The following DPP10 variants were observed in gnomAD, a reference collection of about 807,000 sequenced individuals.
The protein encoded by DPP10 is dipeptidyl peptidase like 10, also known as inactive dipeptidyl peptidase 10.
DPP10 carries 33 observed loss-of-function variants against 120.9 expected under a neutral mutation model. That is an observed-to-expected ratio of 0.27 (90% CI 0.21 to 0.37). DPP10 has a LOEUF of 0.37. Ranked by LOEUF, DPP10 falls within the 10% of genes least tolerant of loss-of-function variation. The pLI is 1.00. For missense variants in DPP10, 816 were observed against 942.8 expected, an observed-to-expected ratio of 0.87 and a Z score of 1.76; for synonymous variants, 337 against 326.1, an observed-to-expected ratio of 1.03 and a Z score of -0.36.
intron 3 of DPP10, among the ~76,000 whole-genome samples, chr2:115,344,249 C>A (rs2063602891): frequency 6.6e-6 from 1 of 151,278 alleles, no homozygotes; most frequent in Non-Finnish European, 1.5e-5. Flanking sequence ...GAGAGAAAAT[C>A]AATTCCTAAG....
chr2:115,725,791 G>A (rs2092752732), intron 7 of DPP10, among the ~76,000 whole-genome samples: 1 of 152,138 alleles, frequency 6.6e-6, no homozygotes, highest in Non-Finnish European at 1.5e-5. Context: ...TTCAGGTACA[G>A]GAAAGGAATT....
chr2:115,593,737 C>G (rs1289417784), intron 5 of DPP10, among the ~76,000 whole-genome samples: 1 of 152,080 alleles, frequency 6.6e-6, no homozygotes, highest in Non-Finnish European at 1.5e-5. Flanking sequence ...TCTCTCTATT[C>G]CCCCATTTTT....
In DPP10 at chr2:115,364,456, T is replaced by A. The variant is rs181856871; in HGVS notation, c.271+20544T>A. Among the ~76,000 whole-genome samples the A allele has an allele frequency of 2.6e-5, 4 of 152,216 alleles. No homozygotes were observed. The East Asian group carries it at 7.8e-4, about 30-fold the overall frequency. On this transcript the variant is annotated intron_variant, in intron 3 of 25. Transcript: ENST00000410059. ...AAATCACATAAAGAGGAGCCGTTGT[T>A]GCTTGTTCGCTAGTACGTGGGTTTG...
intron 1 of DPP10, among the ~76,000 whole-genome samples, chr2:114,706,275 A>G (rs1700679833): frequency 6.6e-6 from 1 of 152,186 alleles, no homozygotes; most frequent in African/African-American, 2.4e-5. Context: ...CCTAACTGGA[A>G]AGAGAGACAA....
chr2:115,735,278 T>C (rs1456398806), intron 8 of DPP10, among the ~76,000 whole-genome samples: 2 of 152,202 alleles, frequency 1.3e-5, no homozygotes, highest in Non-Finnish European at 2.9e-5. Context: ...TTAGTCCTGT[T>C]ATATATCTGA....
intron 1 of DPP10, among the ~76,000 whole-genome samples, chr2:114,752,558 C>T (rs1328507165): frequency 1.3e-5 from 2 of 152,166 alleles, no homozygotes; most frequent in African/African-American, 4.8e-5. Context: ...TTGTTACTCA[C>T]CGCCAAGAGC....
chr2:115,544,800 C>CTGG (rs1041514544), intron 5 of DPP10, among the ~76,000 whole-genome samples: 3 of 151,986 alleles, frequency 2.0e-5, no homozygotes, highest in Non-Finnish European at 4.4e-5. Flanking sequence ...CTCACTGCTG[C>CTGG]TGGTGGTGGT....
chr2:115,488,981 G>A (rs2075939273), intron 3 of DPP10, among the ~76,000 whole-genome samples: 1 of 151,530 alleles, frequency 6.6e-6, no homozygotes, highest in Non-Finnish European at 1.5e-5. Flanking sequence ...GGCTATTTTG[G>A]AAATCCAAAA....
chr2:115,214,743 AAGTT>A (rs2056719463), intron 1 of DPP10, among the ~76,000 whole-genome samples: 1 of 152,246 alleles, frequency 6.6e-6, no homozygotes, highest in Non-Finnish European at 1.5e-5. Context: ...AGGAATGTAA[AAGTT>A]AGCCTGATTT....
At chr2:115,017,641 G>A (rs1413245067) in intron 1 of DPP10, among the ~76,000 whole-genome samples, 3 of 148,984 alleles carry the variant, frequency 2.0e-5, no homozygotes, top group Non-Finnish European at 4.4e-5. Context: ...GAGAAAATGT[G>A]GCATATATAC....
At chr2:114,557,911 T>A (rs900568161) in intron 1 of DPP10, among the ~76,000 whole-genome samples, 1 of 152,182 alleles carries the variant, frequency 6.6e-6, no homozygotes, top group Non-Finnish European at 1.5e-5. Context: ...TTGATCTTGA[T>A]TTTGGAGTCT....
At position 115,843,650 on chromosome 2, in the gene DPP10, A is replaced by C. The variant is rs1406624157; in HGVS notation, c.*1305A>C. 1 of 152,168 alleles carries C rather than the reference A, an allele frequency of 6.6e-6. No homozygotes were observed. Among genetic ancestry groups the C allele is most frequent in the Non-Finnish European group, 1.5e-5 (1 of 68,020 alleles). 9.4% of individuals were successfully genotyped at this position (152,168 alleles called of 1,614,324 possible). On this transcript the variant is annotated 3_prime_UTR_variant, in exon 26 of 26. Transcript: ENST00000410059. Reference sequence around the variant, plus strand: ...ATGCATCAATTCCTGTGCTGTGTTGACTTGCAGTAGTAAGTAACTGAGAGC... The same window carrying C: ...ATGCATCAATTCCTGTGCTGTGTTGCCTTGCAGTAGTAAGTAACTGAGAGC...
chr2:114,546,445 C>T (rs903548788), intron 1 of DPP10, among the ~76,000 whole-genome samples: 2 of 152,172 alleles, frequency 1.3e-5, no homozygotes, highest in African/African-American at 4.8e-5. Flanking sequence ...CAGCCTCTGA[C>T]CAGGCCCCAC....
At chr2:114,522,636 A>G (rs1043518264) in intron 1 of DPP10, among the ~76,000 whole-genome samples, 2 of 152,198 alleles carry the variant, frequency 1.3e-5, no homozygotes, top group Admixed American at 1.3e-4. Flanking sequence ...TTGGGGAGAA[A>G]TGATGCCTCT....
chr2:115,133,531 A>G (rs2050491515), intron 1 of DPP10, among the ~76,000 whole-genome samples: 1 of 152,136 alleles, frequency 6.6e-6, no homozygotes, highest in African/African-American at 2.4e-5. Flanking sequence ...GAAAATAACA[A>G]TGGAGTACTT....
chr2:114,643,677 A>G (rs1425402123), intron 1 of DPP10, among the ~76,000 whole-genome samples: 2 of 151,820 alleles, frequency 1.3e-5, no homozygotes, highest in Admixed American at 1.3e-4. Flanking sequence ...TGTAGTCAGG[A>G]CAATCAGTAA....
chr2:115,809,604 C>G (rs1686394954), intron 19 of DPP10, among the ~76,000 whole-genome samples: 1 of 152,060 alleles, frequency 6.6e-6, no homozygotes, highest in Non-Finnish European at 1.5e-5. Flanking sequence ...AATTGCAACC[C>G]TTGGTTCTCA....
intron 1 of DPP10, among the ~76,000 whole-genome samples, chr2:115,207,809 G>C (rs1415578524): frequency 6.6e-6 from 1 of 152,046 alleles, no homozygotes; most frequent in Non-Finnish European, 1.5e-5. Flanking sequence ...AGGGTTATGC[G>C]AAGATCAGAT....
intron 4 of DPP10, among the ~76,000 whole-genome samples, chr2:115,517,667 GAATTA>G (rs1159225033): frequency 6.6e-6 from 1 of 151,806 alleles, no homozygotes; most frequent in Non-Finnish European, 1.5e-5. Context: ...ATTTAATTGG[GAATTA>G]AATTTGTAAT....
Sources: gnomAD v4.1 joint callset for allele counts (sites outside exome capture counted in the v4.1 genomes callset) on GRCh38, gnomAD v4.1.1 for gene constraint, MANE v1.5 for transcripts, NCBI Gene and HGNC (gene_info 2026-07-23, HGNC 2026-07-21) for gene names.